The following ESR1 variants were observed in gnomAD, a reference collection of about 807,000 sequenced individuals.
The protein encoded by ESR1 is estrogen receptor.
A neutral mutation model predicts 52.7 loss-of-function variants in ESR1; 12 were observed. That is an observed-to-expected ratio of 0.23 (90% CI 0.15 to 0.37). ESR1 has a LOEUF of 0.37. Among genes scored for constraint, ESR1 ranks in the 10% least tolerant of loss-of-function variants. The pLI is 1.00. For synonymous variants in ESR1, 305 were observed against 316.8 expected, an observed-to-expected ratio of 0.96 and a Z score of 0.39; for missense variants, 584 against 779.7, an observed-to-expected ratio of 0.75 and a Z score of 2.99.
intron 2 of ESR1, among the ~76,000 whole-genome samples, chr6:151,789,201 C>T (rs1302728725): frequency 6.6e-6 from 1 of 152,160 alleles, no homozygotes; most frequent in Admixed American, 6.5e-5. Flanking sequence ...TAAATTAGTG[C>T]AGCCATTTTG....
intron 1 of ESR1, among the ~76,000 whole-genome samples, chr6:151,817,236 A>C (rs1228170176): frequency 6.6e-6 from 1 of 152,236 alleles, no homozygotes; most frequent in Non-Finnish European, 1.5e-5. Flanking sequence ...CAGTTCTGAC[A>C]ATTGCTCTGG....
chr6:152,018,779 C>G (rs1490186988), intron 5 of ESR1, among the ~76,000 whole-genome samples: 1 of 151,486 alleles, frequency 6.6e-6, no homozygotes, highest in East Asian at 1.9e-4. Flanking sequence ...ATTCATACCT[C>G]AAGAACTTTG....
At chr6:151,930,936 C>A (rs940118792) in intron 3 of ESR1, among the ~76,000 whole-genome samples, 2 of 152,062 alleles carry the variant, frequency 1.3e-5, no homozygotes, top group African/African-American at 4.8e-5. Context: ...CCTGCCCTGG[C>A]TCTGGCTTTT....
chr6:151,709,778 C>T (rs570683501), intron 2 of ESR1, among the ~76,000 whole-genome samples: 4 of 151,502 alleles, frequency 2.6e-5, no homozygotes, highest in Admixed American at 6.6e-5. Context: ...AATCTTACCC[C>T]GTCAATAATT....
intron 2 of ESR1, among the ~76,000 whole-genome samples, chr6:151,704,420 G>A (rs1201395828): frequency 2.0e-5 from 3 of 152,006 alleles, no homozygotes; most frequent in African/African-American, 7.3e-5. Context: ...TGTATTTTTA[G>A]TAGAGATAGA....
chr6:151,961,986 T>C (rs1321559734), intron 4 of ESR1, among the ~76,000 whole-genome samples: 1 of 151,680 alleles, frequency 6.6e-6, no homozygotes, highest in Admixed American at 6.6e-5. Context: ...GACCAGGAAG[T>C]GGAAACTGTG....
At chr6:152,071,025 T>A (rs1482225670) in intron 6 of ESR1, among the ~76,000 whole-genome samples, 1 of 145,020 alleles carries the variant, frequency 6.9e-6, no homozygotes, top group Non-Finnish European at 1.5e-5. Flanking sequence ...AAATACAAAG[T>A]TGCCTTTACT....
At chr6:151,719,123 G>A (rs893041729) in intron 2 of ESR1, among the ~76,000 whole-genome samples, 6 of 152,130 alleles carry the variant, frequency 3.9e-5, no homozygotes, top group African/African-American at 1.2e-4. Context: ...GTAGTGTTCT[G>A]GATGCTCGGC....
At chr6:152,065,929 C>G (rs2047931516) in intron 6 of ESR1, among the ~76,000 whole-genome samples, 1 of 152,140 alleles carries the variant, frequency 6.6e-6, no homozygotes, top group South Asian at 2.1e-4. Context: ...TTTAAATACC[C>G]AAGGTGCAAA....
chr6:151,763,051 A>G (rs1274084698), intron 2 of ESR1, among the ~76,000 whole-genome samples: 1 of 151,756 alleles, frequency 6.6e-6, no homozygotes, highest in Admixed American at 6.6e-5. Context: ...TTTAAAATAC[A>G]TAAAGTAAAT....
intron 3 of ESR1, among the ~76,000 whole-genome samples, chr6:151,922,701 G>A (rs796859251): frequency 3.9e-5 from 6 of 152,064 alleles, no homozygotes; most frequent in Non-Finnish European, 8.8e-5. Context: ...CTTCTCCAAG[G>A]AGCAATAATT....
intron 3 of ESR1, among the ~76,000 whole-genome samples, chr6:151,920,815 C>G: frequency 6.6e-6 from 1 of 152,116 alleles, no homozygotes; most frequent in East Asian, 1.9e-4. Flanking sequence ...TGATATTAAC[C>G]TTGATCATCT....
intron 1 of ESR1, among the ~76,000 whole-genome samples, chr6:151,694,526 G>A (rs772181839): frequency 2.0e-5 from 3 of 152,146 alleles, no homozygotes; most frequent in African/African-American, 4.8e-5. Flanking sequence ...GGTGGTTCAC[G>A]CCTATAATCC....
intron 6 of ESR1, among the ~76,000 whole-genome samples, chr6:152,088,528 C>T (rs2049925068): frequency 6.6e-6 from 1 of 152,210 alleles, no homozygotes; most frequent in Non-Finnish European, 1.5e-5. Context: ...AGATTCTGCG[C>T]TCATGAGTGG....
intron 4 of ESR1, among the ~76,000 whole-genome samples, chr6:151,976,080 G>C (rs950759381): frequency 6.6e-6 from 1 of 151,996 alleles, no homozygotes; most frequent in Non-Finnish European, 1.5e-5. Flanking sequence ...GATGGTGATG[G>C]TGTATATTAC....
chr6:151,762,611 G>A (rs1275103723), intron 2 of ESR1, among the ~76,000 whole-genome samples: 3 of 152,146 alleles, frequency 2.0e-5, no homozygotes, highest in Non-Finnish European at 4.4e-5. Flanking sequence ...AATCATACAG[G>A]TAAAGTTATT....
At chr6:152,096,087 T>C (rs1585237267) in intron 7 of ESR1, among the ~76,000 whole-genome samples, 2 of 152,292 alleles carry the variant, frequency 1.3e-5, no homozygotes, top group Admixed American at 1.3e-4. Flanking sequence ...GCTGGGTTAT[T>C]TATTGCAGAC....
At chr6:151,662,144 G>A (rs1441332876) in intron 1 of ESR1, among the ~76,000 whole-genome samples, 2 of 152,122 alleles carry the variant, frequency 1.3e-5, no homozygotes, top group Non-Finnish European at 2.9e-5. Flanking sequence ...GAGGGCGCTC[G>A]AGAGACTCAC....
At chr6:151,935,347 G>A (rs1007729929) in intron 3 of ESR1, among the ~76,000 whole-genome samples, 4 of 152,218 alleles carry the variant, frequency 2.6e-5, no homozygotes, top group African/African-American at 9.6e-5. Context: ...TTGGAAAACA[G>A]GTGGAAACCA....
Sources: gnomAD v4.1 joint callset for allele counts (sites outside exome capture counted in the v4.1 genomes callset) on GRCh38, gnomAD v4.1.1 for gene constraint, MANE v1.5 for transcripts, NCBI Gene and HGNC (gene_info 2026-07-23, HGNC 2026-07-21) for gene names.